Variants in SGCD observed in about 807,000 individuals in gnomAD.
The protein encoded by SGCD is sarcoglycan delta, also known as delta-sarcoglycan.
SGCD carries 18 observed loss-of-function variants against 36.6 expected under a neutral mutation model. That is an observed-to-expected ratio of 0.49 (90% CI 0.34 to 0.73). The LOEUF is 0.73. Ranked by LOEUF, SGCD falls within the 30% of genes least tolerant of loss-of-function variation. SGCD has a pLI of 0.01. For missense variants in SGCD, 387 were observed against 346.7 expected (o/e 1.12, Z -0.92); for synonymous variants, 133 against 130.6 (o/e 1.02, Z -0.12).
the SGCD span, among the ~76,000 whole-genome samples, chr5:155,759,895 C>T: frequency 6.6e-6 from 1 of 152,146 alleles, no homozygotes; most frequent in Non-Finnish European, 1.5e-5. Context: ...GCTCTGCTGC[C>T]AGGAGGCAAG....
intron 4 of SGCD, among the ~76,000 whole-genome samples, chr5:156,522,476 C>T (rs1282581514): frequency 6.6e-6 from 1 of 151,998 alleles, no homozygotes; most frequent in Admixed American, 6.6e-5. Flanking sequence ...AGCAAACTAA[C>T]ACAGCAAAGA....
intron 1 of SGCD, among the ~76,000 whole-genome samples, chr5:155,879,314 C>T (rs1010633280): frequency 5.9e-5 from 9 of 152,098 alleles, no homozygotes; most frequent in South Asian, 2.1e-4. Context: ...GCATTTTGTA[C>T]GCTAGAGTGA....
chr5:156,282,781 T>G (rs1245371878), intron 3 of SGCD, among the ~76,000 whole-genome samples: 1 of 152,200 alleles, frequency 6.6e-6, no homozygotes, highest in Non-Finnish European at 1.5e-5. Context: ...AGCCTTGCCA[T>G]TACTTTCCAT....
chr5:155,964,241 G>T (rs1757853786), intron 1 of SGCD, among the ~76,000 whole-genome samples: 1 of 151,970 alleles, frequency 6.6e-6, no homozygotes, highest in Non-Finnish European at 1.5e-5. Context: ...ATCTGTGTTG[G>T]GCTAGCTTTT....
At chr5:156,411,011 A>C (rs2127769563) in intron 3 of SGCD, among the ~76,000 whole-genome samples, 1 of 152,294 alleles carries the variant, frequency 6.6e-6, no homozygotes, top group Non-Finnish European at 1.5e-5. Context: ...TTATTGTATA[A>C]ATGCACGACT....
chr5:155,813,742 A>G, the SGCD span, among the ~76,000 whole-genome samples: 3 of 152,174 alleles, frequency 2.0e-5, no homozygotes, highest in Admixed American at 2.0e-4. Flanking sequence ...CTTTGATTAT[A>G]GAGGGGTCCA....
chr5:156,679,624 C>T (rs1753647832), intron 7 of SGCD, among the ~76,000 whole-genome samples: 1 of 152,186 alleles, frequency 6.6e-6, no homozygotes, highest in South Asian at 2.1e-4. Flanking sequence ...AGACTACTTA[C>T]ATATGGCTCT....
At chr5:156,092,319 T>G (rs1761264523) in intron 1 of SGCD, among the ~76,000 whole-genome samples, 1 of 152,190 alleles carries the variant, frequency 6.6e-6, no homozygotes, top group Non-Finnish European at 1.5e-5. Flanking sequence ...AGGTTACTTT[T>G]TGTTTGAAGA....
In SGCD at chr5:156,164,235, C is replaced by A. The variant is rs969305356; in HGVS notation, c.-44+40216C>A. 2.0e-4 allele frequency among the ~76,000 whole-genome samples: 31 copies of A among 151,322 alleles called. 1 individual carries two copies. Among genetic ancestry groups the A allele is most frequent in the African/African-American group, 7.6e-4 (31 of 40,750 alleles). On this transcript the variant is annotated intron_variant, in intron 3 of 9. Coordinates refer to the SGCD transcript ENST00000517913. Reference sequence around the variant, plus strand: ...GTGTGTATTTGAGCAGAGAATGGGACCTGAGAGTCATTTTTGGACTTGAGG... The same window carrying A: ...GTGTGTATTTGAGCAGAGAATGGGAACTGAGAGTCATTTTTGGACTTGAGG...
intron 7 of SGCD, among the ~76,000 whole-genome samples, chr5:156,711,440 A>G (rs1311534559): frequency 2.0e-5 from 3 of 152,232 alleles, no homozygotes; most frequent in Admixed American, 6.5e-5. Flanking sequence ...GAAAGTGAAG[A>G]TGGGTAAAAA....
chr5:156,124,301 T>C (rs1475583153), intron 3 of SGCD, among the ~76,000 whole-genome samples: 1 of 152,156 alleles, frequency 6.6e-6, no homozygotes, highest in Non-Finnish European at 1.5e-5. Context: ...TTTGTGCAGG[T>C]GTCTCAGCTA....
the SGCD span, among the ~76,000 whole-genome samples, chr5:155,854,403 G>T: frequency 6.6e-6 from 1 of 152,154 alleles, no homozygotes; most frequent in African/African-American, 2.4e-5. Context: ...CCTTTGGCAT[G>T]TTTCTATGAC....
intron 7 of SGCD, among the ~76,000 whole-genome samples, chr5:156,726,703 C>T (rs1442323435): frequency 6.6e-6 from 1 of 152,194 alleles, no homozygotes; most frequent in Non-Finnish European, 1.5e-5. Flanking sequence ...TTAGCCGCGC[C>T]AGGCCCAGCT....
chr5:155,863,895 A>G, the SGCD span, among the ~76,000 whole-genome samples: 1 of 152,198 alleles, frequency 6.6e-6, no homozygotes, highest in Non-Finnish European at 1.5e-5. Flanking sequence ...AATAGAAAAA[A>G]CAGACAAGGA....
At chr5:155,749,157 A>G in the SGCD span, among the ~76,000 whole-genome samples, 1 of 152,178 alleles carries the variant, frequency 6.6e-6, no homozygotes, top group African/African-American at 2.4e-5. Context: ...ATTATATTTA[A>G]TGTTAGTCCT....
intron 1 of SGCD, among the ~76,000 whole-genome samples, chr5:156,055,240 A>G (rs1166830771): frequency 6.9e-6 from 1 of 145,486 alleles, no homozygotes; most frequent in East Asian, 1.9e-4. Flanking sequence ...AAAAGACAAA[A>G]TAAAGTAGCC....
At chr5:156,131,024 C>T (rs1056212545) in intron 3 of SGCD, among the ~76,000 whole-genome samples, 5 of 152,172 alleles carry the variant, frequency 3.3e-5, no homozygotes, top group East Asian at 1.9e-4. Flanking sequence ...CCACCACGCC[C>T]GGCCAGCATT....
At chr5:156,062,009 G>C (rs1301200124) in intron 1 of SGCD, among the ~76,000 whole-genome samples, 1 of 79,916 alleles carries the variant, frequency 1.3e-5, no homozygotes, top group Admixed American at 1.3e-4. Context: ...GTATACATGT[G>C]CCATGCTGGT....
intron 3 of SGCD, among the ~76,000 whole-genome samples, chr5:156,243,166 G>A (rs943003946): frequency 1.3e-5 from 2 of 152,224 alleles, no homozygotes; most frequent in African/African-American, 2.4e-5. Context: ...TTGGAATGGG[G>A]AGTTGGGGCC....
Sources: allele counts gnomAD v4.1 joint callset (sites outside exome capture counted in the v4.1 genomes callset), GRCh38; gene constraint gnomAD v4.1.1; transcripts MANE v1.5; gene names NCBI Gene and HGNC (gene_info 2026-07-23, HGNC 2026-07-21).